DTWD2: variants seen among roughly 807,000 people sequenced by gnomAD.
DTWD2 encodes the protein DTW motif tRNA-uridine aminocarboxypropyltransferase 2.
DTWD2 carries 39 observed loss-of-function variants against 31.8 expected under a neutral mutation model. The ratio of observed to expected loss-of-function variants is 1.22; its 90% CI spans 0.95 to 1.60. The LOEUF (loss-of-function observed/expected upper bound fraction) is 1.60. Ranked by LOEUF, DTWD2 falls within the 40% of genes most tolerant of loss-of-function variation. The pLI is 0.00. For synonymous variants in DTWD2, 180 were observed against 142.8 expected (o/e 1.26, Z -1.86); for missense variants, 515 against 381.5 (o/e 1.35, Z -2.92).
intron 4 of DTWD2, among the ~76,000 whole-genome samples, chr5:118,851,237 A>T (rs904224213): frequency 2.6e-5 from 4 of 151,212 alleles, no homozygotes; most frequent in Non-Finnish European, 5.9e-5. Context: ...AAAAAAAAAA[A>T]AGAAAGAAAA....
At chr5:118,922,956 C>G (rs2149576173) in intron 4 of DTWD2, among the ~76,000 whole-genome samples, 1 of 152,218 alleles carries the variant, frequency 6.6e-6, no homozygotes, top group East Asian at 1.9e-4. Flanking sequence ...TTGAGAACTC[C>G]TCAAAAGTTT....
chr5:118,974,276 T>C (rs887661372), intron 1 of DTWD2, among the ~76,000 whole-genome samples: 6 of 151,652 alleles, frequency 4.0e-5, no homozygotes, highest in Non-Finnish European at 8.8e-5. Flanking sequence ...TGACACGCGC[T>C]CTCCACCACC....
At chr5:118,970,351 C>T (rs1375843063) in intron 1 of DTWD2, among the ~76,000 whole-genome samples, 5 of 152,084 alleles carry the variant, frequency 3.3e-5, no homozygotes, top group African/African-American at 7.2e-5. Flanking sequence ...CACTTGAACC[C>T]GGGAGGTGGA....
At chr5:118,973,926 G>C (rs1456374412) in intron 1 of DTWD2, 2 of 1,597,756 alleles carry the variant, frequency 1.3e-6, no homozygotes, top group South Asian at 1.1e-5. Context: ...GAGGAAAATG[G>C]GGAGCAGGAG....
intron 1 of DTWD2, among the ~76,000 whole-genome samples, chr5:118,947,684 G>A (rs1754370266): frequency 6.6e-6 from 1 of 152,168 alleles, no homozygotes. Flanking sequence ...TCACTTTGGG[G>A]CATAGTTCCA....
At chr5:118,919,165 C>T (rs141810229) in intron 4 of DTWD2, among the ~76,000 whole-genome samples, 1 of 152,204 alleles carries the variant, frequency 6.6e-6, no homozygotes, top group Non-Finnish European at 1.5e-5. Context: ...CCAGTTCCCC[C>T]GATTCCCTGT....
intron 4 of DTWD2, among the ~76,000 whole-genome samples, chr5:118,901,673 C>A (rs1753212720): frequency 6.6e-6 from 1 of 151,752 alleles, no homozygotes; most frequent in Admixed American, 6.6e-5. Flanking sequence ...TGAGACCTGT[C>A]AATAAAAATT....
intron 4 of DTWD2, among the ~76,000 whole-genome samples, chr5:118,860,180 T>C (rs1752228599): frequency 6.7e-6 from 1 of 149,692 alleles, no homozygotes; most frequent in African/African-American, 2.4e-5. Context: ...TATAACTCAT[T>C]ATATATTATA....
intron 3 of DTWD2, among the ~76,000 whole-genome samples, chr5:118,930,813 T>C (rs902712725): frequency 3.3e-5 from 5 of 151,584 alleles, no homozygotes; most frequent in African/African-American, 9.8e-5. Flanking sequence ...GGAAAATCAA[T>C]AGAAACACAG....
At chr5:118,963,479 G>A (rs1257086437) in intron 1 of DTWD2, among the ~76,000 whole-genome samples, 1 of 152,224 alleles carries the variant, frequency 6.6e-6, no homozygotes, top group Non-Finnish European at 1.5e-5. Context: ...GCTGAGGACT[G>A]ACCTGCAGGA....
chr5:118,837,680 C>A lies in DTWD2; in HGVS notation c.*3237G>T, dbSNP rs1342057077. On this transcript the variant is annotated 3_prime_UTR_variant, in exon 6 of 6. Coordinates refer to ENST00000510708, the MANE Select transcript of DTWD2 (RefSeq NM_173666.4). ...TACTGAGAGGCCAAGGCAGAAGGAT[C>A]GCTTGAGGCCAGGAGTTCAGGACCA... The A allele has an allele frequency of 1.3e-5, 2 of 152,126 alleles. No homozygotes were observed. The highest frequency in any genetic ancestry group is 2.9e-5 in the Non-Finnish European group (2 of 68,030). The allele number at this position is 152,126 out of a possible 1,614,324, so 9.4% of individuals were successfully genotyped here.
chr5:118,963,249 T>A (rs1197323284), intron 1 of DTWD2, among the ~76,000 whole-genome samples: 1 of 152,188 alleles, frequency 6.6e-6, no homozygotes, highest in Admixed American at 6.5e-5. Flanking sequence ...GGGAGATAGC[T>A]AGAAGGATAA....
intron 1 of DTWD2, among the ~76,000 whole-genome samples, chr5:118,959,877 T>C (rs1051709989): frequency 6.6e-6 from 1 of 152,066 alleles, no homozygotes; most frequent in African/African-American, 2.4e-5. Context: ...GGTGCTGGGA[T>C]AAGTAGCTAG....
At chr5:118,936,638 CA>C (rs1440782446) in intron 3 of DTWD2, among the ~76,000 whole-genome samples, 1 of 151,804 alleles carries the variant, frequency 6.6e-6, no homozygotes, top group South Asian at 2.1e-4. Context: ...GACCCCATCT[CA>C]ATTTATTTTT....
At chr5:118,853,469 T>C (rs896423008) in intron 4 of DTWD2, among the ~76,000 whole-genome samples, 1 of 152,116 alleles carries the variant, frequency 6.6e-6, no homozygotes, top group Admixed American at 6.6e-5. Context: ...TGCAGCCCTA[T>C]TCATAATAGC....
intron 4 of DTWD2, among the ~76,000 whole-genome samples, chr5:118,891,109 A>AT (rs1238274532): frequency 6.6e-6 from 1 of 151,274 alleles, no homozygotes; most frequent in East Asian, 1.9e-4. Context: ...ATTTTTTACT[A>AT]TAACTTCTTT....
At chr5:118,869,169 C>A (rs1752446755) in intron 4 of DTWD2, among the ~76,000 whole-genome samples, 1 of 151,984 alleles carries the variant, frequency 6.6e-6, no homozygotes, top group African/African-American at 2.4e-5. Context: ...TACCTAATTC[C>A]ACCGAACTAT....
At chr5:118,865,634 A>C (rs1752365037) in intron 4 of DTWD2, among the ~76,000 whole-genome samples, 1 of 152,204 alleles carries the variant, frequency 6.6e-6, no homozygotes. Flanking sequence ...AGAGTAGATG[A>C]ATAGCGACTA....
rs1736911751 is a variant in DTWD2, at chr5:118,869,422, C to T, written c.598-21204G>A. On this transcript the variant is annotated intron_variant, in intron 4 of 5. Coordinates refer to ENST00000510708, the MANE Select transcript of DTWD2 (RefSeq NM_173666.4). ...ATAATACAAAGATTGAGGAGGGGTT[C>T]CTACTGCAATCTTTAGGATAATTAA... Among the ~76,000 whole-genome samples the T allele has an allele frequency of 2.0e-5, 3 of 152,158 alleles. No individual in the cohort carries two copies. The South Asian group carries it at 6.2e-4, about 32-fold the overall frequency.
Sources: allele counts gnomAD v4.1 joint callset (sites outside exome capture counted in the v4.1 genomes callset), GRCh38; gene constraint gnomAD v4.1.1; transcripts MANE v1.5; gene names NCBI Gene and HGNC (gene_info 2026-07-23, HGNC 2026-07-21).